The following OMA1 variants were observed in gnomAD, a reference collection of about 807,000 sequenced individuals.
The protein encoded by OMA1 is OMA1 zinc metallopeptidase.
A neutral mutation model predicts 30.9 loss-of-function variants in OMA1; 38 were observed. The ratio of observed to expected loss-of-function variants is 1.23; its 90% CI spans 0.95 to 1.61. OMA1 has a LOEUF of 1.61. Among genes scored for constraint, OMA1 ranks in the 40% most tolerant of loss-of-function variants. The pLI is 0.00. For synonymous variants in OMA1, 173 were observed against 121.9 expected (o/e 1.42, Z -2.76); for missense variants, 461 against 349.2 (o/e 1.32, Z -2.55).
intron 7 of OMA1, among the ~76,000 whole-genome samples, chr1:58,516,917 G>A (rs1413038071): frequency 1.3e-5 from 2 of 152,168 alleles, no homozygotes; most frequent in Admixed American, 1.3e-4. Flanking sequence ...TGCTACAGAG[G>A]AAGCCAGGCT....
intron 8 of OMA1, among the ~76,000 whole-genome samples, chr1:58,492,989 C>G (rs537846994): frequency 8.6e-4 from 131 of 152,280 alleles, no homozygotes; most frequent in Non-Finnish European, 1.2e-3. Context: ...ACCAATATCC[C>G]TGATGAACAT....
chr1:58,494,598 A>G (rs1645761750), intron 8 of OMA1, among the ~76,000 whole-genome samples: 3 of 152,176 alleles, frequency 2.0e-5, no homozygotes, highest in Non-Finnish European at 4.4e-5. Context: ...CCCATCAAAA[A>G]GTGGGTGAAG....
At chr1:58,500,426 T>A (rs891019621) in intron 8 of OMA1, among the ~76,000 whole-genome samples, 1 of 152,216 alleles carries the variant, frequency 6.6e-6, no homozygotes, top group South Asian at 2.1e-4. Flanking sequence ...ATAATATTAA[T>A]GATTTATTCA....
chr1:58,508,580 G>A (rs1646025515), intron 7 of OMA1, among the ~76,000 whole-genome samples: 1 of 152,104 alleles, frequency 6.6e-6, no homozygotes, highest in Admixed American at 6.5e-5. Flanking sequence ...AACACCTGCA[G>A]CTCCCCACCA....
At chr1:58,488,783 C>A (rs758216662) in intron 8 of OMA1, among the ~76,000 whole-genome samples, 1 of 152,234 alleles carries the variant, frequency 6.6e-6, no homozygotes, top group Non-Finnish European at 1.5e-5. Context: ...ACCCACTTCT[C>A]ACTGTTTCCC....
chr1:58,495,002 A>G (rs570604900), intron 8 of OMA1, among the ~76,000 whole-genome samples: 1 of 152,344 alleles, frequency 6.6e-6, no homozygotes, highest in Admixed American at 6.5e-5. Flanking sequence ...CACAATAGCA[A>G]AGACTTGGAA....
At position 58,527,403 on chromosome 1, in the gene OMA1, A is replaced by C. The variant is rs1372595484; in HGVS notation, c.1141-68T>G. The stretch of plus-strand genomic sequence containing the variant: ...TCACGAAAAAAGGAGTAACACAGAG[A>C]GATTTTTAAAAAACAGTTTCATGGA... On this transcript the variant is annotated intron_variant, in intron 6 of 8. Coordinates refer to ENST00000371226, the MANE Select transcript of OMA1 (RefSeq NM_145243.5). The C allele has an allele frequency of 5.0e-6, 4 of 797,082 alleles. No individual in the cohort carries two copies. The East Asian group carries it at 9.8e-5, about 20-fold the overall frequency. 49.4% of individuals were successfully genotyped at this position (797,082 alleles called of 1,614,324 possible).
At position 58,533,979 on chromosome 1, in the gene OMA1, T is replaced by C. The variant is rs17117678; in HGVS notation, c.985A>G (p.Ile329Val). Residue 329 changes from isoleucine (I) to valine (V), a missense_variant, in exon 5 of 9, where the codon ATA (isoleucine) becomes GTA (valine). Physicochemically the swap from Ile to Val is conservative, Grantham distance 29. Transcript: ENST00000371226. The part of the protein sequence containing the change: ...HQLSFLLGHE[I>V]AHAVLGHAAE... ...GCATGCCCAAGTACTGCATGTGCTA[T>C]TTCATGGCCCAGAAGGAAAGAAAGT... The C allele has an allele frequency of 4.6e-6, 4 of 871,998 alleles. No individual in the cohort carries two copies. The highest frequency in any genetic ancestry group is 2.4e-5 in the East Asian group (1 of 41,648). The allele number at this position is 871,998 out of a possible 1,614,324, so 54.0% of individuals were successfully genotyped here.
intron 8 of OMA1, among the ~76,000 whole-genome samples, chr1:58,497,361 T>C (rs116790145): frequency 0.011 from 1,719 of 152,270 alleles, 23 homozygotes; most frequent in Non-Finnish European, 0.018. Context: ...TACAGAAATC[T>C]GATGTAGACA....
chr1:58,485,890 G>A lies in OMA1; in HGVS notation c.1366-4716C>T, dbSNP rs528449227. On this transcript the variant is annotated intron_variant, in intron 8 of 8. Coordinates refer to ENST00000371226, the MANE Select transcript of OMA1 (RefSeq NM_145243.5). ...ATAAATCATTATGATAAATGTCATA[G>A]AGAAAATACTCTTAGGAGTTTATGG... 9.9e-5 allele frequency among the ~76,000 whole-genome samples: 15 copies of A among 152,212 alleles called. No homozygotes were observed. In the South Asian group the frequency reaches 2.7e-3, roughly 27 times the overall value.
intron 1 of OMA1, among the ~76,000 whole-genome samples, chr1:58,539,719 C>G (rs7535313): frequency 0.13 from 20,492 of 152,102 alleles, 1,520 homozygotes; most frequent in African/African-American, 0.19. Context: ...CTGGACATTA[C>G]GCAATGAAGA....
intron 7 of OMA1, among the ~76,000 whole-genome samples, chr1:58,514,807 A>C (rs1031799942): frequency 7.9e-5 from 12 of 152,212 alleles, no homozygotes; most frequent in African/African-American, 2.9e-4. Flanking sequence ...TGTTTCCAGC[A>C]GGCAAATATA....
chr1:58,505,937 T>C (rs1017200187), intron 8 of OMA1, 123 bp downstream of exon 8: 4 of 574,796 alleles, frequency 7.0e-6, no homozygotes, highest in Non-Finnish European at 1.2e-5. Flanking sequence ...TGATAATCCA[T>C]AATTATAGTA....
intron 8 of OMA1, among the ~76,000 whole-genome samples, chr1:58,504,212 G>C (rs1362237237): frequency 2.6e-5 from 4 of 152,250 alleles, no homozygotes; most frequent in African/African-American, 9.6e-5. Context: ...CAATGGCTTA[G>C]AAGATCCTGC....
intron 1 of OMA1, among the ~76,000 whole-genome samples, chr1:58,545,509 G>GA (rs36121307): frequency 1.9e-4 from 28 of 150,664 alleles, no homozygotes; most frequent in South Asian, 2.1e-4. Flanking sequence ...GAGCACATAA[G>GA]AAAAAAAAAA....
At chr1:58,532,575 T>C (rs1221555037) in intron 5 of OMA1, among the ~76,000 whole-genome samples, 3 of 152,202 alleles carry the variant, frequency 2.0e-5, no homozygotes, top group Non-Finnish European at 4.4e-5. Context: ...TCACCCAGGC[T>C]AGAGTGCAGT....
chr1:58,485,935 G>A (rs1409758475), intron 8 of OMA1, among the ~76,000 whole-genome samples: 1 of 152,170 alleles, frequency 6.6e-6, no homozygotes, highest in Non-Finnish European at 1.5e-5. Context: ...AAGCAGGAAT[G>A]TATTTTAATA....
chr1:58,531,682 A>C, intron 5 of OMA1, among the ~76,000 whole-genome samples: 1 of 150,872 alleles, frequency 6.6e-6, no homozygotes, highest in East Asian at 2.0e-4. Flanking sequence ...CTCAAAACAC[A>C]AATGTGTGTT....
At chr1:58,528,897 A>G (rs1162127876) in intron 6 of OMA1, among the ~76,000 whole-genome samples, 2 of 152,218 alleles carry the variant, frequency 1.3e-5, no homozygotes, top group East Asian at 3.8e-4. Flanking sequence ...CTTTATTTTC[A>G]TTGACGAATT....
Sources: allele counts gnomAD v4.1 joint callset (sites outside exome capture counted in the v4.1 genomes callset), GRCh38; gene constraint gnomAD v4.1.1; transcripts MANE v1.5; gene names NCBI Gene and HGNC (gene_info 2026-07-23, HGNC 2026-07-21).